The following NCKAP5 variants were observed in gnomAD, a reference collection of about 807,000 sequenced individuals.
NCKAP5 encodes the protein NCK associated protein 5.
Under a neutral mutation model 167.0 loss-of-function variants are expected in NCKAP5, and 92 were observed. The observed-to-expected ratio is 0.55, with a 90% CI of 0.47 to 0.66. The LOEUF is 0.66. Ranked by LOEUF, NCKAP5 falls within the 30% of genes least tolerant of loss-of-function variation. NCKAP5 has a pLI of 0.00. For missense variants in NCKAP5, 2,378 were observed against 2,315.0 expected (o/e 1.03, Z -0.56); for synonymous variants, 891 against 877.4 (o/e 1.02, Z -0.27).
intron 6 of NCKAP5, among the ~76,000 whole-genome samples, chr2:133,119,874 T>C (rs1408961604): frequency 1.3e-5 from 2 of 151,612 alleles, no homozygotes; most frequent in African/African-American, 2.4e-5. Context: ...TGATTCGATA[T>C]CATATAATAG....
At chr2:133,227,866 G>A (rs1008147936) in intron 4 of NCKAP5, among the ~76,000 whole-genome samples, 4 of 152,148 alleles carry the variant, frequency 2.6e-5, no homozygotes, top group Admixed American at 6.5e-5. Flanking sequence ...AGAAAGGGGA[G>A]GTATTTATTG....
At chr2:133,324,793 C>T (rs1346191691) in intron 3 of NCKAP5, among the ~76,000 whole-genome samples, 1 of 152,116 alleles carries the variant, frequency 6.6e-6, no homozygotes, top group East Asian at 1.9e-4. Context: ...GATCTCGGCT[C>T]ACTGCAACCT....
chr2:133,019,373 G>A (rs868244148), intron 6 of NCKAP5, among the ~76,000 whole-genome samples: 19 of 152,236 alleles, frequency 1.2e-4, no homozygotes, highest in African/African-American at 4.3e-4. Context: ...GTCAGTGGTG[G>A]GGAGAATTGG....
At chr2:133,209,236 A>G (rs2086099139) in intron 5 of NCKAP5, among the ~76,000 whole-genome samples, 1 of 151,946 alleles carries the variant, frequency 6.6e-6, no homozygotes, top group African/African-American at 2.4e-5. Context: ...ATTTCAGCAC[A>G]AGCTGAAACA....
chr2:132,678,920 T>TA (rs1684844556), intron 19 of NCKAP5, among the ~76,000 whole-genome samples: 2 of 152,132 alleles, frequency 1.3e-5, no homozygotes, highest in Admixed American at 1.3e-4. Context: ...AAGGTTTTTT[T>TA]GAATCTTCCC....
At chr2:132,849,749 C>T (rs1382445253) in intron 11 of NCKAP5, among the ~76,000 whole-genome samples, 1 of 152,178 alleles carries the variant, frequency 6.6e-6, no homozygotes, top group African/African-American at 2.4e-5. Flanking sequence ...CCTTTCACTT[C>T]TCTCCTACCT....
chr2:133,059,977 C>G (rs2079941974), intron 6 of NCKAP5, among the ~76,000 whole-genome samples: 1 of 151,656 alleles, frequency 6.6e-6, no homozygotes, highest in Non-Finnish European at 1.5e-5. Flanking sequence ...CCCTCACCAA[C>G]AAAATCAGCT....
intron 6 of NCKAP5, among the ~76,000 whole-genome samples, chr2:133,035,606 A>C (rs989004751): frequency 6.6e-6 from 1 of 152,022 alleles, no homozygotes; most frequent in Non-Finnish European, 1.5e-5. Flanking sequence ...AATGAGAGGA[A>C]TTTTGGAAAC....
chr2:133,346,157 T>A (rs79651682), intron 3 of NCKAP5, among the ~76,000 whole-genome samples: 8,343 of 152,100 alleles, frequency 0.055, 278 homozygotes, highest in East Asian at 0.12. Context: ...GGAGAAGGAA[T>A]AAAATGACCC....
the NCKAP5 span, among the ~76,000 whole-genome samples, chr2:133,640,526 G>T: frequency 6.6e-5 from 10 of 152,224 alleles, no homozygotes; most frequent in South Asian, 2.1e-3. Flanking sequence ...AAATAACGAA[G>T]CAAACTTCTG....
chr2:132,873,608 C>T (rs1424090217), intron 9 of NCKAP5, among the ~76,000 whole-genome samples: 2 of 152,304 alleles, frequency 1.3e-5, no homozygotes, highest in African/African-American at 4.8e-5. Flanking sequence ...GAGGTAAATA[C>T]ACAGCCCCAT....
chr2:133,587,757 T>C, the NCKAP5 span, among the ~76,000 whole-genome samples: 1 of 152,236 alleles, frequency 6.6e-6, no homozygotes, highest in Non-Finnish European at 1.5e-5. Flanking sequence ...GAAGGCAGCA[T>C]GCTAGAAAAT....
the NCKAP5 span, among the ~76,000 whole-genome samples, chr2:133,663,272 C>CAA: frequency 7.9e-4 from 77 of 98,054 alleles, no homozygotes; most frequent in South Asian, 4.3e-3. Context: ...GACTCCGTCT[C>CAA]AAAAAAAAAA....
At chr2:133,345,863 G>A (rs370946357) in intron 3 of NCKAP5, among the ~76,000 whole-genome samples, 1 of 152,092 alleles carries the variant, frequency 6.6e-6, no homozygotes, top group Admixed American at 6.5e-5. Flanking sequence ...AGGAGGTTTG[G>A]GGTATGAGGT....
chr2:133,504,914 C>G (rs1049653690), intron 3 of NCKAP5, among the ~76,000 whole-genome samples: 8 of 152,106 alleles, frequency 5.3e-5, no homozygotes, highest in Non-Finnish European at 2.9e-5. Context: ...CCAGTTCCCC[C>G]CCAAAACTCA....
chr2:133,400,579 G>A (rs1463642292), intron 3 of NCKAP5, among the ~76,000 whole-genome samples: 1 of 152,122 alleles, frequency 6.6e-6, no homozygotes, highest in Non-Finnish European at 1.5e-5. Flanking sequence ...CCACCAGAAG[G>A]AAGCTGAAAT....
intron 3 of NCKAP5, among the ~76,000 whole-genome samples, chr2:133,329,207 T>A (rs893014229): frequency 1.3e-5 from 2 of 152,200 alleles, no homozygotes; most frequent in Non-Finnish European, 2.9e-5. Context: ...GATCTGGGTC[T>A]GCTTTCCTTT....
intron 7 of NCKAP5, among the ~76,000 whole-genome samples, chr2:132,970,637 C>T (rs1433486466): frequency 6.6e-6 from 1 of 152,152 alleles, no homozygotes; most frequent in Non-Finnish European, 1.5e-5. Context: ...TAAATTTCAC[C>T]TTGTCGCTAC....
chr2:133,533,869 AG>A (rs1288773540), intron 2 of NCKAP5, among the ~76,000 whole-genome samples: 5 of 152,234 alleles, frequency 3.3e-5, no homozygotes, highest in African/African-American at 4.8e-5. Flanking sequence ...TTAATTTAAT[AG>A]ATTACCTAAG....
Sources: gnomAD v4.1 joint callset for allele counts (sites outside exome capture counted in the v4.1 genomes callset) on GRCh38, gnomAD v4.1.1 for gene constraint, MANE v1.5 for transcripts, NCBI Gene and HGNC (gene_info 2026-07-23, HGNC 2026-07-21) for gene names.